MDGA2: variants seen among roughly 807,000 people sequenced by gnomAD.
The protein encoded by MDGA2 is MAM domain containing glycosylphosphatidylinositol anchor 2, also known as MAM domain-containing glycosylphosphatidylinositol anchor protein 2.
In MDGA2, 40 loss-of-function variants were observed where a neutral mutation model predicts 117.8. The observed-to-expected ratio is 0.34, with a 90% CI of 0.26 to 0.44. The LOEUF is 0.44. MDGA2 is among the 20% of genes least tolerant of loss of function. MDGA2 has a pLI of 1.00. For missense variants in MDGA2, 1,123 were observed against 1,250.6 expected, an observed-to-expected ratio of 0.90 and a Z score of 1.54; for synonymous variants, 452 against 439.0, an observed-to-expected ratio of 1.03 and a Z score of -0.37.
intron 10 of MDGA2, among the ~76,000 whole-genome samples, chr14:46,919,460 A>G (rs866974742): frequency 8.6e-5 from 13 of 151,986 alleles, no homozygotes; most frequent in Middle Eastern, 6.8e-3. Context: ...AAAAAGATAC[A>G]GTTTTTTCCA....
At chr14:47,065,083 T>C in intron 6 of MDGA2, among the ~76,000 whole-genome samples, 1 of 152,062 alleles carries the variant, frequency 6.6e-6, no homozygotes, top group Non-Finnish European at 1.5e-5. Flanking sequence ...TCATAAATCG[T>C]GATAGATGAA....
At chr14:47,102,013 G>A (rs1486796325) in intron 5 of MDGA2, among the ~76,000 whole-genome samples, 1 of 152,044 alleles carries the variant, frequency 6.6e-6, no homozygotes, top group Non-Finnish European at 1.5e-5. Context: ...TATTTTAGCA[G>A]GTCATTGACT....
intron 2 of MDGA2, among the ~76,000 whole-genome samples, chr14:47,266,775 TC>T (rs1887979053): frequency 6.6e-6 from 1 of 152,178 alleles, no homozygotes; most frequent in Non-Finnish European, 1.5e-5. Context: ...AATCTTCTGC[TC>T]CTACTCTTCT....
At chr14:47,175,690 A>G (rs555549044) in intron 3 of MDGA2, among the ~76,000 whole-genome samples, 1 of 149,794 alleles carries the variant, frequency 6.7e-6, no homozygotes, top group Admixed American at 6.7e-5. Context: ...CACAGCCAAT[A>G]TCATACTGAA....
At chr14:47,435,759 C>T (rs1892884213) in intron 1 of MDGA2, among the ~76,000 whole-genome samples, 1 of 152,052 alleles carries the variant, frequency 6.6e-6, no homozygotes, top group Non-Finnish European at 1.5e-5. Context: ...TTCCTGCCAA[C>T]AATACTGTGA....
intron 8 of MDGA2, among the ~76,000 whole-genome samples, chr14:46,965,239 T>G (rs1015638802): frequency 6.6e-6 from 1 of 152,114 alleles, no homozygotes; most frequent in Non-Finnish European, 1.5e-5. Flanking sequence ...TACTTTTTTA[T>G]AGATGATTTT....
chr14:47,118,571 A>G (rs1286643290), intron 5 of MDGA2, among the ~76,000 whole-genome samples: 3 of 152,186 alleles, frequency 2.0e-5, no homozygotes, highest in African/African-American at 7.2e-5. Flanking sequence ...TTAATGAGCT[A>G]CTGAAATATC....
chr14:47,194,842 T>A (rs1045771509), intron 3 of MDGA2, among the ~76,000 whole-genome samples: 5 of 152,040 alleles, frequency 3.3e-5, no homozygotes, highest in African/African-American at 9.6e-5. Context: ...ACTAGTTTTT[T>A]AAAATAGGAA....
At chr14:47,106,172 C>T (rs1880662664) in intron 5 of MDGA2, among the ~76,000 whole-genome samples, 1 of 152,044 alleles carries the variant, frequency 6.6e-6, no homozygotes, top group Non-Finnish European at 1.5e-5. Flanking sequence ...AGCCCTAGAC[C>T]CTAAAAGGTC....
chr14:47,341,751 T>C (rs1890629679), intron 1 of MDGA2, among the ~76,000 whole-genome samples: 1 of 152,214 alleles, frequency 6.6e-6, no homozygotes, highest in Non-Finnish European at 1.5e-5. Context: ...TGGCGGCAGC[T>C]ATTTGCAAAA....
intron 2 of MDGA2, 112 bp downstream of exon 2, chr14:47,301,295 CCACA>C (rs71112491): frequency 0.35 from 324,107 of 921,490 alleles, 27,001 homozygotes; most frequent in South Asian, 0.43. Flanking sequence ...CCACACCCAC[CCACA>C]CACACACACA....
At chr14:47,213,524 G>A (rs966325501) in intron 3 of MDGA2, among the ~76,000 whole-genome samples, 1 of 151,884 alleles carries the variant, frequency 6.6e-6, no homozygotes, top group Non-Finnish European at 1.5e-5. Context: ...ACGTCATTTT[G>A]ACTGTTTGGA....
At chr14:47,401,787 G>C in intron 1 of MDGA2, among the ~76,000 whole-genome samples, 1 of 152,178 alleles carries the variant, frequency 6.6e-6, no homozygotes, top group East Asian at 1.9e-4. Flanking sequence ...CCCCATGCCA[G>C]CCAGTGTCAT....
At chr14:47,585,401 T>C (rs1170691027) in intron 1 of MDGA2, among the ~76,000 whole-genome samples, 4 of 151,918 alleles carry the variant, frequency 2.6e-5, no homozygotes, top group Non-Finnish European at 4.4e-5. Context: ...ACAAAAAAAC[T>C]TGAGCAAATT....
intron 1 of MDGA2, among the ~76,000 whole-genome samples, chr14:47,645,801 G>C (rs1366360562): frequency 6.6e-6 from 1 of 151,752 alleles, no homozygotes; most frequent in Non-Finnish European, 1.5e-5. Context: ...GGCTGGGCGC[G>C]GTGGCTCATG....
At chr14:47,166,186 C>G (rs966427366) in intron 3 of MDGA2, among the ~76,000 whole-genome samples, 1 of 151,896 alleles carries the variant, frequency 6.6e-6, no homozygotes, top group Non-Finnish European at 1.5e-5. Flanking sequence ...CAGATGCATG[C>G]CACCAGGCCC....
chr14:47,375,239 T>A (rs1594823934), intron 1 of MDGA2, among the ~76,000 whole-genome samples: 1 of 151,962 alleles, frequency 6.6e-6, no homozygotes, highest in Non-Finnish European at 1.5e-5. Context: ...ATTTTCTTTT[T>A]CGTAACTGCT....
At chr14:47,650,199 T>C (rs775393025) in intron 1 of MDGA2, among the ~76,000 whole-genome samples, 5 of 152,142 alleles carry the variant, frequency 3.3e-5, no homozygotes, top group Non-Finnish European at 7.4e-5. Context: ...GAGTCATGCT[T>C]AAACATCTCT....
chr14:47,674,841 A>C lies in MDGA2; in HGVS notation c.-45T>G. ...CACTCACACACTCTCCCACAACACA[A>C]TACCCTGACACACACTCACACGCAC... On this transcript the variant is annotated 5_prime_UTR_variant, in exon 1 of 17. Transcript: ENST00000399232. The C allele has an allele frequency of 1.6e-6, 1 of 608,688 alleles. No homozygotes were observed. The highest frequency in any genetic ancestry group is 3.0e-5 in the East Asian group (1 of 33,288). 37.7% of individuals were successfully genotyped at this position (608,688 alleles called of 1,614,324 possible). A position where few individuals can be genotyped will look rare whatever the true frequency, so the allele number is the denominator to read the frequency against.
Sources: gnomAD v4.1 joint callset for allele counts (sites outside exome capture counted in the v4.1 genomes callset) on GRCh38, gnomAD v4.1.1 for gene constraint, MANE v1.5 for transcripts, NCBI Gene and HGNC (gene_info 2026-07-23, HGNC 2026-07-21) for gene names.